Variants in KIAA1217 observed in about 807,000 individuals in gnomAD.
KIAA1217 encodes KIAA1217.
Under a neutral mutation model 163.9 loss-of-function variants are expected in KIAA1217, and 88 were observed. That is an observed-to-expected ratio of 0.54 (90% CI 0.45 to 0.64). The LOEUF (loss-of-function observed/expected upper bound fraction) is 0.64, where lower values mean the gene tolerates loss of function less well. Among genes scored for constraint, KIAA1217 ranks in the 30% least tolerant of loss-of-function variants. The pLI, the probability that KIAA1217 is intolerant of heterozygous loss-of-function variation, is 0.00. For synonymous variants in KIAA1217, 903 were observed against 923.1 expected (o/e 0.98, Z 0.39); for missense variants, 2,372 against 2,475.0 (o/e 0.96, Z 0.88).
intron 2 of KIAA1217, among the ~76,000 whole-genome samples, chr10:24,111,268 GAATA>G (rs918905072): frequency 3.3e-5 from 5 of 152,164 alleles, no homozygotes; most frequent in African/African-American, 1.2e-4. Context: ...AATAAAAAGG[GAATA>G]AATAGTTTCA....
chr10:23,918,222 C>T (rs969042144), intron 1 of KIAA1217, among the ~76,000 whole-genome samples: 3 of 150,432 alleles, frequency 2.0e-5, no homozygotes, highest in Non-Finnish European at 4.4e-5. Flanking sequence ...AACTCCTGAC[C>T]TCAATAAAGT....
At chr10:24,050,091 G>A (rs140220098) in intron 2 of KIAA1217, among the ~76,000 whole-genome samples, 109 of 152,282 alleles carry the variant, frequency 7.2e-4, no homozygotes, top group African/African-American at 2.3e-3. Flanking sequence ...TTTGTTGGCT[G>A]CATAAATGTC....
At chr10:23,851,976 C>T (rs999068237) in intron 1 of KIAA1217, among the ~76,000 whole-genome samples, 10 of 151,806 alleles carry the variant, frequency 6.6e-5, no homozygotes, top group East Asian at 2.0e-4. Context: ...CTGTTCACTC[C>T]GATGGTAGTT....
chr10:23,887,287 G>A (rs1164310178), intron 1 of KIAA1217, among the ~76,000 whole-genome samples: 1 of 151,840 alleles, frequency 6.6e-6, no homozygotes, highest in African/African-American at 2.4e-5. Flanking sequence ...AGATATGGAT[G>A]CAAAAAAATA....
intron 2 of KIAA1217, among the ~76,000 whole-genome samples, chr10:24,136,218 C>T (rs574288015): frequency 6.6e-6 from 1 of 152,164 alleles, no homozygotes; most frequent in East Asian, 1.9e-4. Flanking sequence ...GAGGTCTATG[C>T]ATATTTGTGC....
chr10:24,109,307 C>CT (rs980303109), intron 2 of KIAA1217, among the ~76,000 whole-genome samples: 4 of 151,796 alleles, frequency 2.6e-5, no homozygotes, highest in Non-Finnish European at 5.9e-5. Flanking sequence ...TCCCAGTTGC[C>CT]TTTTTTTAAA....
intron 4 of KIAA1217, among the ~76,000 whole-genome samples, chr10:24,433,554 A>T (rs1199814348): frequency 2.0e-5 from 3 of 152,170 alleles, no homozygotes; most frequent in Non-Finnish European, 1.5e-5. Flanking sequence ...GCTACATCTG[A>T]AAAGAACATT....
chr10:24,470,948 G>C (rs989401686), intron 5 of KIAA1217, among the ~76,000 whole-genome samples: 2 of 152,190 alleles, frequency 1.3e-5, no homozygotes. Flanking sequence ...GTTTAAGAAA[G>C]AAGGTGCCCT....
chr10:24,290,170 C>T (rs865912914), intron 2 of KIAA1217, among the ~76,000 whole-genome samples: 7 of 152,052 alleles, frequency 4.6e-5, no homozygotes, highest in Middle Eastern at 6.8e-3. Context: ...TCCTAAGGGC[C>T]CTGAAACCCT....
intron 1 of KIAA1217, among the ~76,000 whole-genome samples, chr10:23,706,195 T>A (rs1346265311): frequency 6.6e-6 from 1 of 152,210 alleles, no homozygotes; most frequent in Non-Finnish European, 1.5e-5. Context: ...GATCATGTCA[T>A]CTGTGAATAG....
intron 1 of KIAA1217, among the ~76,000 whole-genome samples, chr10:23,921,710 G>A (rs1842853323): frequency 1.3e-5 from 2 of 152,142 alleles, no homozygotes. Flanking sequence ...CCCCCTGGCT[G>A]TTTGGTTGCA....
chr10:23,964,335 T>G (rs549241308), intron 1 of KIAA1217, among the ~76,000 whole-genome samples: 23 of 151,972 alleles, frequency 1.5e-4, no homozygotes, highest in Admixed American at 5.2e-4. Flanking sequence ...CCTTGTAGAT[T>G]CTGGATATTA....
intron 2 of KIAA1217, among the ~76,000 whole-genome samples, chr10:24,251,400 C>CAAAAAAAAAAAAAAAAAAAAAAAAAAAAA (rs55668887): frequency 2.2e-5 from 2 of 90,536 alleles, no homozygotes; most frequent in Non-Finnish European, 2.2e-5. Flanking sequence ...GACACTGTCT[C>CAAAAAAAAAAAAAAAAAAAAAAAAAAAAA]AAAAAAAAAA....
At chr10:24,073,506 T>C (rs879115197) in intron 2 of KIAA1217, among the ~76,000 whole-genome samples, 2 of 152,198 alleles carry the variant, frequency 1.3e-5, no homozygotes, top group Admixed American at 1.3e-4. Context: ...TATCAGCTTA[T>C]TTGAGCTTTG....
At chr10:24,325,487 G>A (rs888110379) in intron 2 of KIAA1217, among the ~76,000 whole-genome samples, 5 of 152,184 alleles carry the variant, frequency 3.3e-5, no homozygotes, top group Admixed American at 2.0e-4. Flanking sequence ...CACAGATGAG[G>A]TCCAGAGAGA....
intron 2 of KIAA1217, among the ~76,000 whole-genome samples, chr10:24,336,999 T>C (rs549498777): frequency 2.6e-5 from 4 of 152,280 alleles, no homozygotes; most frequent in South Asian, 2.1e-4. Context: ...ACATTGAATT[T>C]GGCAATGATT....
At chr10:23,931,561 A>C (rs11013795) in intron 1 of KIAA1217, among the ~76,000 whole-genome samples, 22,378 of 152,060 alleles carry the variant, frequency 0.15, 3,473 homozygotes, top group African/African-American at 0.39. Flanking sequence ...ATCTTCCTGC[A>C]CCCTCCCAAT....
At chr10:24,378,995 G>C (rs537749611) in intron 2 of KIAA1217, among the ~76,000 whole-genome samples, 19 of 152,314 alleles carry the variant, frequency 1.2e-4, no homozygotes, top group Non-Finnish European at 2.6e-4. Flanking sequence ...AATGGAAAAT[G>C]ACAACTCATC....
At chr10:23,987,768 A>G (rs187234213) in intron 1 of KIAA1217, among the ~76,000 whole-genome samples, 5 of 152,288 alleles carry the variant, frequency 3.3e-5, no homozygotes, top group East Asian at 3.9e-4. Flanking sequence ...GCAAGTCTGT[A>G]TCCTTTGACC....
Sources: gnomAD v4.1 joint callset for allele counts (sites outside exome capture counted in the v4.1 genomes callset) on GRCh38, gnomAD v4.1.1 for gene constraint, MANE v1.5 for transcripts, NCBI Gene and HGNC (gene_info 2026-07-23, HGNC 2026-07-21) for gene names.